ZNF710: variants seen among roughly 807,000 people sequenced by gnomAD.
ZNF710 encodes zinc finger protein 710.
Under a neutral mutation model 50.6 loss-of-function variants are expected in ZNF710, and 13 were observed. The observed-to-expected ratio is 0.26, with a 90% CI of 0.17 to 0.41. The LOEUF (loss-of-function observed/expected upper bound fraction) is 0.41. Ranked by LOEUF, ZNF710 falls within the 10% of genes least tolerant of loss-of-function variation. The probability of loss-of-function intolerance (pLI) is 1.00; values close to 1 mark genes in which losing one functional copy is unlikely to be tolerated. For synonymous variants in ZNF710, 383 were observed against 397.0 expected, an observed-to-expected ratio of 0.96 and a Z score of 0.42; for missense variants, 721 against 936.6, an observed-to-expected ratio of 0.77 and a Z score of 3.01.
chr15:90,079,814 C>T lies in ZNF710; in HGVS notation c.1980C>T (p.Tyr660=). ...AACAGGCCATGAAAGAGATGGCCTA[C>T]TACAATGTGCTATAGCGCAAGCTGG... is the stretch of plus-strand genomic sequence containing the variant. ...LTEQAMKEMA[Y]YNVL is the part of the protein sequence containing the mutation. Residue 660 remains tyrosine, a synonymous_variant, in exon 5 of 5, where the codon TAC becomes TAT. Transcript: ENST00000268154. 2 of 1,606,280 alleles carry T rather than the reference C, an allele frequency of 1.2e-6. No individual in the cohort carries two copies. Among genetic ancestry groups the T allele is most frequent in the Non-Finnish European group, 1.7e-6 (2 of 1,177,388 alleles).
chr15:90,074,429 G>C, intron 4 of ZNF710, 139 bp downstream of exon 4: 1 of 1,543,508 alleles, frequency 6.5e-7, no homozygotes, highest in East Asian at 2.4e-5. Context: ...TGGAAGGGGG[G>C]TACCCTGGAA....
chr15:90,078,053 C>CA (rs1333006169), intron 4 of ZNF710, among the ~76,000 whole-genome samples: 2 of 151,528 alleles, frequency 1.3e-5, no homozygotes, highest in East Asian at 1.9e-4. Flanking sequence ...ACTAAAAATA[C>CA]AAAAAAAATT....
chr15:90,007,090 CAG>C (rs1898159105), intron 1 of ZNF710, among the ~76,000 whole-genome samples: 1 of 152,110 alleles, frequency 6.6e-6, no homozygotes, highest in African/African-American at 2.4e-5. Context: ...GCTGAACCAT[CAG>C]AGCTTTTGAT....
chr15:90,061,797 G>A (rs73486391), intron 1 of ZNF710, among the ~76,000 whole-genome samples: 2 of 152,108 alleles, frequency 1.3e-5, no homozygotes, highest in East Asian at 1.9e-4. Context: ...AATAGTTCCC[G>A]TTCCAAGTAG....
chr15:90,062,241 A>G lies in ZNF710; in HGVS notation c.-28-4869A>G, dbSNP rs981340355. ...CCCTTTCTCTCTCTCTCTCTCTGAT[A>G]TGTCCTCCCTTCCCCCACTCCCAGC... On this transcript the variant is annotated intron_variant, in intron 1 of 4. Transcript: ENST00000268154. This position sits in a 1 kb window ranked among gnomAD's most constrained non-coding sequence, Gnocchi z 5.6. Among the ~76,000 whole-genome samples the G allele has an allele frequency of 2.8e-5, 4 of 144,852 alleles. No homozygotes were observed. The highest frequency in any genetic ancestry group is 2.1e-4 in the Admixed American group (3 of 13,986).
intron 1 of ZNF710, among the ~76,000 whole-genome samples, chr15:90,008,737 C>T (rs1341404551): frequency 6.6e-6 from 1 of 151,080 alleles, no homozygotes; most frequent in African/African-American, 2.4e-5. Context: ...GCTATGATGG[C>T]CTCAGTGTAC....
chr15:90,000,615 G>T (rs1389203391), upstream of ZNF710, among the ~76,000 whole-genome samples: 1 of 152,202 alleles, frequency 6.6e-6, no homozygotes, highest in Non-Finnish European at 1.5e-5. Flanking sequence ...CCAGGGCTCT[G>T]CTAACAGCTG....
intron 1 of ZNF710, among the ~76,000 whole-genome samples, chr15:90,041,475 A>T (rs545092231): frequency 6.6e-6 from 1 of 152,314 alleles, no homozygotes; most frequent in African/African-American, 2.4e-5. Flanking sequence ...TATAGGTATG[A>T]GCCACTGGGC....
At chr15:90,050,618 C>T (rs1440046628) in intron 1 of ZNF710, among the ~76,000 whole-genome samples, 1 of 152,242 alleles carries the variant, frequency 6.6e-6, no homozygotes. Context: ...ACCATTATCT[C>T]ATGCCACAGA....
chr15:90,063,938 C>G lies in ZNF710; in HGVS notation c.-28-3172C>G, dbSNP rs762905433. 1.4e-4 allele frequency among the ~76,000 whole-genome samples: 21 copies of G among 152,312 alleles called. No individual in the cohort carries two copies. The East Asian group carries it at 2.1e-3, about 15-fold the overall frequency. On this transcript the variant is annotated intron_variant, in intron 1 of 4. Coordinates refer to ENST00000268154, the MANE Select transcript of ZNF710 (RefSeq NM_198526.4). ...CCCATGAGTCAGGAGCCTCTTCCCC[C>G]CCATAGAGATGAGAATCACCTGATG...
rs973017946 is a variant in ZNF710 at position 90,052,065 on chromosome 15, C to T, written c.-28-15045C>T. Among the ~76,000 whole-genome samples the T allele has an allele frequency of 4.6e-5, 7 of 152,236 alleles. No homozygotes were observed. The East Asian group carries it at 1.3e-3, about 29-fold the overall frequency. ...CCACCTCTGCTGCTTCTCATCTCCC[C>T]CTCCTCGGACCTTGCTCCTGGGGCC... is the stretch of plus-strand genomic sequence containing the variant. On this transcript the variant is annotated intron_variant, in intron 1 of 4. Coordinates refer to ENST00000268154, the MANE Select transcript of ZNF710 (RefSeq NM_198526.4).
chr15:90,034,667 C>T lies in ZNF710; in HGVS notation c.-28-32443C>T, dbSNP rs978225312. Among the ~76,000 whole-genome samples, 9 of 152,156 alleles carry T rather than the reference C, an allele frequency of 5.9e-5. No individual in the cohort carries two copies. Among genetic ancestry groups the T allele is most frequent in the African/African-American group, 2.2e-4 (9 of 41,438 alleles). On this transcript the variant is annotated intron_variant, in intron 1 of 4. Coordinates refer to ENST00000268154, the MANE Select transcript of ZNF710 (RefSeq NM_198526.4). The surrounding 1 kb of genome is among the most constrained non-coding windows in gnomAD (Gnocchi z 4.0). ...AGCTCTTCTCACCCCTTCTGAGAGG[C>T]CCGCCTGCTCTCCTGCTACCCTAGA... is the stretch of plus-strand genomic sequence containing the variant.
At chr15:90,064,176 A>G (rs1056285064) in intron 1 of ZNF710, among the ~76,000 whole-genome samples, 8 of 152,252 alleles carry the variant, frequency 5.3e-5, no homozygotes, top group Non-Finnish European at 1.2e-4. Flanking sequence ...CTGTCGCGAC[A>G]GGAGGCAGCC....
At chr15:90,002,520 A>C (rs1444369705) in intron 1 of ZNF710, 2 of 152,152 alleles carry the variant, frequency 1.3e-5, no homozygotes, top group African/African-American at 4.8e-5. Flanking sequence ...GGGCGTGAGC[A>C]CCAGCGTCAG....
chr15:89,998,722 A>G (rs547106385), upstream of ZNF710, among the ~76,000 whole-genome samples: 1 of 152,210 alleles, frequency 6.6e-6, no homozygotes, highest in African/African-American at 2.4e-5. Flanking sequence ...GCCTCACAAC[A>G]AACTGTGAAG....
intron 2 of ZNF710, among the ~76,000 whole-genome samples, chr15:90,070,445 G>A (rs1900339505): frequency 6.6e-6 from 1 of 151,896 alleles, no homozygotes; most frequent in African/African-American, 2.4e-5. Flanking sequence ...GCTGAGGCAG[G>A]AGAATCACTT....
In ZNF710 at chr15:90,067,488, G is replaced by A; in HGVS notation, c.351G>A (p.Glu117=). ...TCAAGTTCGAGAAGGTGGAGGAGGA[G>A]GAACAGGAGGTCTATGAGGTTTCTG... The part of the protein sequence containing the change: ...PKVKFEKVEE[E]EQEVYEVSVP... The change falls in exon 2 of 5, where the codon GAG becomes GAA. Residue 117 remains glutamate (E), a synonymous_variant. Transcript: ENST00000268154. The surrounding 1 kb of genome is among the most constrained non-coding windows in gnomAD (Gnocchi z 8.1). 1 of 1,613,484 alleles carries A rather than the reference G, an allele frequency of 6.2e-7. No individual in the cohort carries two copies. The highest frequency in any genetic ancestry group is 8.5e-7 in the Non-Finnish European group (1 of 1,179,684).
chr15:90,038,737 G>GTT (rs1394419777), intron 1 of ZNF710, among the ~76,000 whole-genome samples: 23 of 149,784 alleles, frequency 1.5e-4, no homozygotes, highest in African/African-American at 5.6e-4. Flanking sequence ...GTGTGTGTGT[G>GTT]TGTGAGACAT....
chr15:90,004,637 T>G (rs1329826715), intron 1 of ZNF710, among the ~76,000 whole-genome samples: 1 of 152,204 alleles, frequency 6.6e-6, no homozygotes, highest in African/African-American at 2.4e-5. Flanking sequence ...GAAAGCTCTG[T>G]ACCCAGGATT....
Sources: gnomAD v4.1 joint callset for allele counts (sites outside exome capture counted in the v4.1 genomes callset) on GRCh38, gnomAD v4.1.1 for gene constraint, Gnocchi (gnomAD v3.1) non-coding constraint, MANE v1.5 for transcripts, NCBI Gene and HGNC (gene_info 2026-07-23, HGNC 2026-07-21) for gene names.